PTH2R: variants seen among roughly 807,000 people sequenced by gnomAD.
The protein encoded by PTH2R is PTH2 receptor.
A neutral mutation model predicts 60.3 loss-of-function variants in PTH2R; 59 were observed. The ratio of observed to expected loss-of-function variants is 0.98; its 90% CI spans 0.79 to 1.22. PTH2R has a LOEUF of 1.22. PTH2R is among the 50% of genes most tolerant of loss of function. The pLI is 0.00. For synonymous variants in PTH2R, 256 were observed against 243.8 expected (o/e 1.05, Z -0.47); for missense variants, 749 against 682.6 (o/e 1.10, Z -1.08).
intron 1 of PTH2R, among the ~76,000 whole-genome samples, chr2:208,361,664 T>G (rs1056669711): frequency 6.6e-6 from 1 of 152,176 alleles, no homozygotes; most frequent in African/African-American, 2.4e-5. Context: ...TTACCTCATA[T>G]AAAGGGGTTC....
chr2:208,380,673 A>C (rs913552514), intron 1 of PTH2R, among the ~76,000 whole-genome samples: 4 of 152,102 alleles, frequency 2.6e-5, no homozygotes, highest in African/African-American at 7.3e-5. Flanking sequence ...AACTCACCGG[A>C]TAAAAGGCCT....
In PTH2R at chr2:208,428,217, C is replaced by G; in HGVS notation, c.92C>G (p.Thr31Ser). 6.2e-7 allele frequency: 1 copy of G among 1,611,848 alleles called. No homozygotes were observed. Among genetic ancestry groups the G allele is most frequent in the Non-Finnish European group, 8.5e-7 (1 of 1,178,580 alleles). Residue 31 changes from threonine (T) to serine (S), a missense_variant, in exon 2 of 13, where the codon ACC (threonine) becomes AGC (serine). Physicochemically the swap from Thr to Ser is moderately conservative, Grantham distance 58. Coordinates refer to ENST00000272847, the MANE Select transcript of PTH2R (RefSeq NM_005048.4). ...LARAQLDSDG[T>S]ITIEEQIVLV... ...CTTCTACAGCTGGATTCTGATGGCACCATTACTATAGAGGAGCAGATTGTC... is the reference window on the plus strand; with the variant it reads ...CTTCTACAGCTGGATTCTGATGGCAGCATTACTATAGAGGAGCAGATTGTC...
At chr2:208,360,250 C>G (rs896381300) in intron 1 of PTH2R, 3 of 437,262 alleles carry the variant, frequency 6.9e-6, no homozygotes, top group South Asian at 5.0e-5. Flanking sequence ...AAGAAGAGCG[C>G]CCCACTTGTT....
At chr2:208,450,833 G>A (rs924600336) in intron 8 of PTH2R, 24 bp downstream of exon 8, 7 of 1,610,788 alleles carry the variant, frequency 4.3e-6, no homozygotes, top group South Asian at 2.2e-5. Context: ...CAGGGGAAAC[G>A]AGAGAACCTC....
chr2:208,461,531 A>C (rs1335784008), intron 9 of PTH2R, among the ~76,000 whole-genome samples: 1 of 152,126 alleles, frequency 6.6e-6, no homozygotes, highest in East Asian at 1.9e-4. Flanking sequence ...AGTGTCTTGT[A>C]CTGAAACTGA....
chr2:208,484,785 A>T (rs1574914919), intron 10 of PTH2R, among the ~76,000 whole-genome samples: 1 of 152,192 alleles, frequency 6.6e-6, no homozygotes, highest in African/African-American at 2.4e-5. Context: ...CGCATCCATC[A>T]CTTACTGCAT....
chr2:208,402,662 A>G (rs1185852058), upstream of PTH2R, among the ~76,000 whole-genome samples: 1 of 152,230 alleles, frequency 6.6e-6, no homozygotes, highest in Non-Finnish European at 1.5e-5. Context: ...TATTTGGTAC[A>G]TTCTTGGGAG....
chr2:208,439,133 C>A (rs1702133494), intron 4 of PTH2R, among the ~76,000 whole-genome samples: 1 of 152,036 alleles, frequency 6.6e-6, no homozygotes, highest in African/African-American at 2.4e-5. Flanking sequence ...CCTTTCAGAG[C>A]TGTTAATGGC....
Position 208,406,823 on chromosome 2 carries a change from A to G in PTH2R, c.-221A>G, listed in dbSNP as rs894757602. 2.6e-6 allele frequency: 1 copy of G among 383,402 alleles called. No homozygotes were observed. Among genetic ancestry groups the G allele is most frequent in the Admixed American group, 4.5e-5 (1 of 22,208 alleles). The allele number at this position is 383,402 out of a possible 1,614,324, so 23.8% of individuals were successfully genotyped here. On this transcript the variant is annotated 5_prime_UTR_variant, in exon 1 of 13. Transcript: ENST00000272847. ...CGGGCCAGTCTCTCCGGAAGACAAG[A>G]CCAACCTCGCGCCGCGGCGCAGCAG...
intron 9 of PTH2R, among the ~76,000 whole-genome samples, chr2:208,468,267 A>G (rs1702798774): frequency 6.6e-6 from 1 of 152,224 alleles, no homozygotes; most frequent in South Asian, 2.1e-4. Flanking sequence ...TGAAGATAAT[A>G]ATAACAACAA....
chr2:208,367,010 C>T (rs940925438), intron 1 of PTH2R, among the ~76,000 whole-genome samples: 16 of 152,122 alleles, frequency 1.1e-4, no homozygotes, highest in African/African-American at 3.4e-4. Context: ...TCTTCCATGG[C>T]GTAGGTGTGC....
chr2:208,361,289 G>T, intron 1 of PTH2R: 1 of 153,548 alleles, frequency 6.5e-6, no homozygotes, highest in South Asian at 1.9e-4. Flanking sequence ...ACAGCTTCGT[G>T]GTTGTTGAGG....
chr2:208,443,582 C>G, intron 6 of PTH2R, 45 bp downstream of exon 6: 1 of 1,458,274 alleles, frequency 6.9e-7, no homozygotes, highest in Non-Finnish European at 9.3e-7. Context: ...TTGTATAACA[C>G]TACAAATAAG....
upstream of PTH2R, among the ~76,000 whole-genome samples, chr2:208,405,561 C>CAAT (rs753424897): frequency 7.9e-4 from 121 of 152,204 alleles, no homozygotes; most frequent in Middle Eastern, 0.01. Flanking sequence ...ACTATGATCA[C>CAAT]AATAATAATA....
At chr2:208,441,364 G>A (rs767556620) in intron 4 of PTH2R, among the ~76,000 whole-genome samples, 1 of 152,122 alleles carries the variant, frequency 6.6e-6, no homozygotes, top group Non-Finnish European at 1.5e-5. Flanking sequence ...ATGAGTTCTG[G>A]TTCACCTTCC....
chr2:208,407,961 G>C (rs1186974604), intron 1 of PTH2R, among the ~76,000 whole-genome samples: 1 of 152,180 alleles, frequency 6.6e-6, no homozygotes, highest in South Asian at 2.1e-4. Flanking sequence ...ATTCAAAGCA[G>C]TGATTTATGT....
intron 1 of PTH2R, among the ~76,000 whole-genome samples, chr2:208,421,356 C>A (rs1172335191): frequency 1.3e-5 from 2 of 150,078 alleles, no homozygotes; most frequent in South Asian, 2.1e-4. Context: ...AAGACATTTT[C>A]ATATTGGGGG....
intron 1 of PTH2R, among the ~76,000 whole-genome samples, chr2:208,412,335 C>G (rs1184678143): frequency 2.6e-5 from 4 of 152,196 alleles, no homozygotes; most frequent in Non-Finnish European, 5.9e-5. Context: ...GGGAGTGACA[C>G]TAGTTAGAAA....
chr2:208,472,496 A>G (rs1364330856), intron 9 of PTH2R, among the ~76,000 whole-genome samples: 4 of 152,130 alleles, frequency 2.6e-5, no homozygotes, highest in Non-Finnish European at 5.9e-5. Context: ...TGCCATTCTC[A>G]TGATAGTGAA....
Sources: allele counts gnomAD v4.1 joint callset (sites outside exome capture counted in the v4.1 genomes callset), GRCh38; gene constraint gnomAD v4.1.1; transcripts MANE v1.5; gene names NCBI Gene and HGNC (gene_info 2026-07-23, HGNC 2026-07-21).